Variants in LIMCH1 observed in about 807,000 individuals in gnomAD.
LIMCH1 encodes LIM and calponin homology domains 1, also known as LIM and calponin homology domains-containing protein 1.
LIMCH1 carries 113 observed loss-of-function variants against 176.5 expected under a neutral mutation model. The observed-to-expected ratio is 0.64, with a 90% confidence interval of 0.55 to 0.75. The LOEUF (loss-of-function observed/expected upper bound fraction) is 0.75. LIMCH1 is among the 30% of genes least tolerant of loss of function. LIMCH1 has a pLI of 0.00. For synonymous variants in LIMCH1, 619 were observed against 645.9 expected (o/e 0.96, Z 0.63); for missense variants, 1,674 against 1,814.9 (o/e 0.92, Z 1.41).
chr4:41,676,338 A>C, intron 22 of LIMCH1, 44 bp from the exon 23 acceptor site: 2 of 1,525,344 alleles, frequency 1.3e-6, no homozygotes, highest in East Asian at 2.3e-5. Flanking sequence ...CTGTCCCTTG[A>C]GGACATGGCT....
chr4:41,581,096 A>T (rs1367662192), intron 1 of LIMCH1, among the ~76,000 whole-genome samples: 2 of 146,868 alleles, frequency 1.4e-5, no homozygotes, highest in African/African-American at 5.2e-5. Context: ...CTGTCTGTCC[A>T]TTCATCTGTC....
chr4:41,360,748 G>C (rs1196494803), upstream of LIMCH1: 2 of 879,330 alleles, frequency 2.3e-6, no homozygotes, highest in Admixed American at 3.8e-5. The surrounding 1 kb of genome is among the most constrained non-coding windows in gnomAD (Gnocchi z 4.5). Flanking sequence ...AGGGGAGGCC[G>C]GCGGGCGGGA....
At chr4:41,471,342 T>C (rs1362503744) in intron 1 of LIMCH1, among the ~76,000 whole-genome samples, 5 of 152,322 alleles carry the variant, frequency 3.3e-5, no homozygotes, top group African/African-American at 9.6e-5. Flanking sequence ...TTGAACTGAT[T>C]TTAATAAAAG....
chr4:41,510,046 C>G (rs986362489), intron 2 of LIMCH1, among the ~76,000 whole-genome samples: 1 of 152,156 alleles, frequency 6.6e-6, no homozygotes, highest in Non-Finnish European at 1.5e-5. Context: ...TTATATGACC[C>G]AGACCCAGTA....
intron 1 of LIMCH1, among the ~76,000 whole-genome samples, chr4:41,472,340 G>A (rs1487667580): frequency 1.6e-5 from 1 of 63,114 alleles, no homozygotes; most frequent in Non-Finnish European, 3.0e-5. Flanking sequence ...CTCCCTCCCT[G>A]CCTCCCTCCC....
At chr4:41,633,234 C>A (rs1304296358) in intron 12 of LIMCH1, 149 bp downstream of exon 12, 1 of 670,062 alleles carries the variant, frequency 1.5e-6, no homozygotes, top group Non-Finnish European at 2.5e-6. Flanking sequence ...GTGCTCATCC[C>A]AAGATCAGAG....
intron 1 of LIMCH1, among the ~76,000 whole-genome samples, chr4:41,416,674 A>G (rs955831065): frequency 6.6e-6 from 1 of 152,016 alleles, no homozygotes; most frequent in Non-Finnish European, 1.5e-5. Context: ...AAAAAAAAAA[A>G]AAAGAAAATT....
At chr4:41,371,940 G>T (rs2054026036) in intron 1 of LIMCH1, among the ~76,000 whole-genome samples, 1 of 152,228 alleles carries the variant, frequency 6.6e-6, no homozygotes, top group South Asian at 2.1e-4. Flanking sequence ...TAAGGTGCAA[G>T]TTGCGATGGT....
intron 21 of LIMCH1, 88 bp downstream of exon 21, chr4:41,666,754 T>G (rs530289874): frequency 1.8e-4 from 153 of 850,570 alleles, no homozygotes; most frequent in Non-Finnish European, 2.8e-4. Flanking sequence ...GATTACGTCC[T>G]TTATGTTGCT....
intron 7 of LIMCH1, among the ~76,000 whole-genome samples, chr4:41,621,745 T>C (rs1431278774): frequency 7.1e-6 from 1 of 140,728 alleles, no homozygotes; most frequent in African/African-American, 3.2e-5. Context: ...ATACCCATCT[T>C]CCAGAAGTCC....
chr4:41,661,546 A>G, intron 19 of LIMCH1, 36 bp downstream of exon 19: 1 of 1,358,034 alleles, frequency 7.4e-7, no homozygotes, highest in African/African-American at 1.4e-5. Context: ...AAGGCAAATC[A>G]TGGTAACTGT....
intron 18 of LIMCH1, among the ~76,000 whole-genome samples, chr4:41,653,284 A>G (rs2094362124): frequency 6.6e-6 from 1 of 151,612 alleles, no homozygotes; most frequent in African/African-American, 2.4e-5. Context: ...TTCTTTGTGC[A>G]TGATTCCAAG....
intron 5 of LIMCH1, 80 bp from the exon 6 acceptor site, chr4:41,619,108 A>G: frequency 6.7e-7 from 1 of 1,501,850 alleles, no homozygotes; most frequent in Non-Finnish European, 9.2e-7. Flanking sequence ...AGATTGAACC[A>G]CATCCCTAAT....
intron 1 of LIMCH1, among the ~76,000 whole-genome samples, chr4:41,589,583 C>T (rs1279149479): frequency 1.3e-5 from 2 of 152,190 alleles, no homozygotes; most frequent in African/African-American, 4.8e-5. Flanking sequence ...TGAAACAGTG[C>T]TCTGGTCTGG....
intron 1 of LIMCH1, among the ~76,000 whole-genome samples, chr4:41,490,778 C>T (rs13114019): frequency 0.19 from 29,323 of 152,226 alleles, 3,027 homozygotes; most frequent in South Asian, 0.32. Context: ...GGCCCGTTCT[C>T]GATGATCGCT....
intron 1 of LIMCH1, among the ~76,000 whole-genome samples, chr4:41,589,280 A>G (rs927469650): frequency 6.6e-6 from 1 of 152,302 alleles, no homozygotes; most frequent in East Asian, 1.9e-4. Context: ...TATCTAGGTT[A>G]AAAGAGAGCG....
At chr4:41,481,804 G>C (rs1006360142) in intron 1 of LIMCH1, among the ~76,000 whole-genome samples, 1 of 151,996 alleles carries the variant, frequency 6.6e-6, no homozygotes, top group Non-Finnish European at 1.5e-5. Flanking sequence ...TCGGAGTAGG[G>C]AACAGATGTT....
At chr4:41,619,482 G>GA in intron 6 of LIMCH1, 42 bp downstream of exon 6, 1 of 1,598,720 alleles carries the variant, frequency 6.3e-7, no homozygotes, top group Non-Finnish European at 8.5e-7. Flanking sequence ...GCTTGGGCAT[G>GA]AGTGGTTTGG....
intron 1 of LIMCH1, among the ~76,000 whole-genome samples, chr4:41,456,503 T>C (rs1428143746): frequency 6.6e-6 from 1 of 152,182 alleles, no homozygotes; most frequent in African/African-American, 2.4e-5. Flanking sequence ...CTGTATGCCC[T>C]TGACCATCTT....
Sources: gnomAD v4.1 joint callset for allele counts (sites outside exome capture counted in the v4.1 genomes callset) on GRCh38, gnomAD v4.1.1 for gene constraint, Gnocchi (gnomAD v3.1) non-coding constraint, MANE v1.5 for transcripts, NCBI Gene and HGNC (gene_info 2026-07-23, HGNC 2026-07-21) for gene names.